NAP1L1: variants seen among roughly 807,000 people sequenced by gnomAD.
The protein encoded by NAP1L1 is nucleosome assembly protein 1 like 1.
Under a neutral mutation model 58.9 loss-of-function variants are expected in NAP1L1, and 9 were observed. The observed-to-expected ratio is 0.15, with a 90% confidence interval of 0.09 to 0.27. The LOEUF (loss-of-function observed/expected upper bound fraction) is 0.27, where lower values mean the gene tolerates loss of function less well. NAP1L1 is among the 10% of genes least tolerant of loss of function. NAP1L1 has a pLI of 1.00. For synonymous variants in NAP1L1, 130 were observed against 138.3 expected (o/e 0.94, Z 0.42); for missense variants, 302 against 458.8 (o/e 0.66, Z 3.12).
In NAP1L1 at chr12:76,045,475, C is replaced by G. The variant is rs1948592114; in HGVS notation, c.*2954G>C. On this transcript the variant is annotated 3_prime_UTR_variant, in exon 15 of 15. Coordinates refer to ENST00000618691, the MANE Select transcript of NAP1L1 (RefSeq NM_004537.7). ...AGTTATTTTAGGGGCCTTACCATAT[C>G]ATTAACCTATTCACACAACAAAAAT... is the stretch of plus-strand genomic sequence containing the variant. 1 of 152,052 alleles carries G rather than the reference C, an allele frequency of 6.6e-6. No individual in the cohort carries two copies. Among genetic ancestry groups the G allele is most frequent in the South Asian group, 2.1e-4 (1 of 4,830 alleles). 9.4% of individuals were successfully genotyped at this position (152,052 alleles called of 1,614,324 possible). A position where few individuals can be genotyped will look rare whatever the true frequency, so the allele number is the denominator to read the frequency against.
chr12:76,056,739 G>A (rs1025288067), intron 6 of NAP1L1: 10 of 432,492 alleles, frequency 2.3e-5, no homozygotes, highest in Non-Finnish European at 3.2e-5. Flanking sequence ...TAAGCCAGGC[G>A]CAGTGGCTCA....
At chr12:76,074,058 T>C in intron 2 of NAP1L1, 145 bp downstream of exon 2, 1 of 677,960 alleles carries the variant, frequency 1.5e-6, no homozygotes, top group Admixed American at 2.6e-5. Flanking sequence ...TTACCTTGAA[T>C]ACACTGCACT....
intron 3 of NAP1L1, 128 bp downstream of exon 3, chr12:76,068,781 A>ACACAC: frequency 2.3e-6 from 1 of 441,366 alleles, no homozygotes; most frequent in Non-Finnish European, 3.9e-6. Flanking sequence ...CACACACACT[A>ACACAC]GAAGTATGGA....
At position 76,040,556 on chromosome 12, in the gene NAP1L1, C is replaced by T. The variant is rs948582432; in HGVS notation, c.*7873G>A. 6.6e-6 allele frequency: 1 copy of T among 152,244 alleles called. No individual in the cohort carries two copies. Among genetic ancestry groups the T allele is most frequent in the African/African-American group, 2.4e-5 (1 of 41,424 alleles). The allele number at this position is 152,244 out of a possible 1,614,324, so 9.4% of individuals were successfully genotyped here. ...ACACACAGACAGTTTCATTCTGTTG[C>T]TCAGGTTGGAGTGCAGTGGCACTAT... On this transcript the variant is annotated 3_prime_UTR_variant, in exon 15 of 15. Coordinates refer to ENST00000618691, the MANE Select transcript of NAP1L1 (RefSeq NM_004537.7).
chr12:76,080,994 CAG>C (rs1410013631), intron 1 of NAP1L1, among the ~76,000 whole-genome samples: 14 of 152,172 alleles, frequency 9.2e-5, no homozygotes, highest in South Asian at 2.1e-4. Flanking sequence ...TGGGAACCTT[CAG>C]AGTCTCCACA....
intron 14 of NAP1L1, among the ~76,000 whole-genome samples, chr12:76,048,810 G>A (rs1948693668): frequency 6.6e-6 from 1 of 152,056 alleles, no homozygotes; most frequent in Non-Finnish European, 1.5e-5. Context: ...AGGACTCTCA[G>A]GGACTGAGTA....
Position 76,075,576 on chromosome 12 carries a change from TG to T in NAP1L1, c.-20-1338del, listed in dbSNP as rs1158703152. 5.9e-5 allele frequency among the ~76,000 whole-genome samples: 9 copies of T among 152,320 alleles called. No individual in the cohort carries two copies. In the South Asian group the frequency reaches 8.3e-4, roughly 14 times the overall value. On this transcript the variant is annotated intron_variant, in intron 1 of 14. Coordinates refer to ENST00000618691, the MANE Select transcript of NAP1L1 (RefSeq NM_004537.7). ...AATGTATCTAACTCTGTAAATATTT[TG>T]TATTTGTTATAAATAATTCCTAATA...
At chr12:76,083,916 GTGGCCATGAAGCCCAT>G in intron 1 of NAP1L1, 2 of 152,380 alleles carry the variant, frequency 1.3e-5, no homozygotes, top group Admixed American at 1.3e-4. Flanking sequence ...GGCCCAGCCA[GTGGCCATGAAGCCCAT>G]TACCACGTGT....
intron 4 of NAP1L1, among the ~76,000 whole-genome samples, chr12:76,065,879 A>G (rs1239491307): frequency 6.6e-6 from 1 of 151,952 alleles, no homozygotes; most frequent in Non-Finnish European, 1.5e-5. Flanking sequence ...CCTGCCAAAT[A>G]TTAAGACAAC....
At position 76,067,377 on chromosome 12, in the gene NAP1L1, A is replaced by G. The variant is rs1392772370; in HGVS notation, c.200T>C (p.Ile67Thr). 5 of 1,606,036 alleles carry G rather than the reference A, an allele frequency of 3.1e-6. No homozygotes were observed. In the East Asian group the frequency reaches 6.7e-5, roughly 22 times the overall value. ...DGLVETPTGY[I>T]ESLPRVVKRR... is the part of the protein sequence containing the mutation. Reference sequence around the variant, plus strand: ...GACTATGGAAAAGCTGTACCTTTCAATGTATCCTGTTGGTGTTTCTACCAG... The same window carrying G: ...GACTATGGAAAAGCTGTACCTTTCAGTGTATCCTGTTGGTGTTTCTACCAG... The change falls in exon 4 of 15, where the codon ATT becomes ACT. Residue 67 changes from isoleucine to threonine, a missense_variant. Transcript: ENST00000618691.
Position 76,043,544 on chromosome 12 carries a change from G to GT in NAP1L1, c.*4884dup, listed in dbSNP as rs1246039789. The GT allele has an allele frequency of 3.3e-5, 5 of 149,302 alleles. No homozygotes were observed. Among genetic ancestry groups the GT allele is most frequent in the African/African-American group, 1.2e-4 (5 of 40,526 alleles). The allele number at this position is 149,302 out of a possible 1,614,324, so 9.2% of individuals were successfully genotyped here. On this transcript the variant is annotated 3_prime_UTR_variant, in exon 15 of 15. Transcript: ENST00000618691. ...CCTCATCCTCACTTGAAATACTCTT[G>GT]TAACAGGTGGTTCCAGTGTTTTAAA...
intron 1 of NAP1L1, among the ~76,000 whole-genome samples, chr12:76,075,729 T>G (rs1335774184): frequency 6.6e-6 from 1 of 152,192 alleles, no homozygotes; most frequent in Non-Finnish European, 1.5e-5. Context: ...CCAAGTAGGA[T>G]TCCAGTTTGT....
intron 3 of NAP1L1, 161 bp from the exon 4 acceptor site, chr12:76,067,634 A>C (rs1949743505): frequency 1.9e-6 from 1 of 518,126 alleles, no homozygotes. Context: ...GAATACACTA[A>C]AGGAAAACCC....
At chr12:76,081,730 A>C (rs1950415384) in intron 1 of NAP1L1, among the ~76,000 whole-genome samples, 1 of 152,220 alleles carries the variant, frequency 6.6e-6, no homozygotes, top group African/African-American at 2.4e-5. Flanking sequence ...ATGTACTCTA[A>C]TGTTCTGTAG....
At chr12:76,074,370 A>T (rs1950096080) in intron 1 of NAP1L1, 131 bp from the exon 2 acceptor site, 2 of 1,336,928 alleles carry the variant, frequency 1.5e-6, no homozygotes, top group Non-Finnish European at 9.6e-7. Flanking sequence ...TTAAAATACT[A>T]TCAGTGTTAA....
chr12:76,064,776 G>A (rs1199219914), intron 4 of NAP1L1, among the ~76,000 whole-genome samples: 4 of 151,064 alleles, frequency 2.6e-5, no homozygotes, highest in Non-Finnish European at 5.9e-5. Context: ...GAGAGAACTT[G>A]AATAAATTAG....
chr12:76,074,107 C>T (rs1380440548), intron 2 of NAP1L1, 96 bp downstream of exon 2: 1 of 1,103,468 alleles, frequency 9.1e-7, no homozygotes, highest in East Asian at 2.4e-5. Flanking sequence ...TTAGTAACTA[C>T]ATTTTCATAA....
chr12:76,057,079 T>C lies in NAP1L1; in HGVS notation c.430-918A>G, dbSNP rs116968071. On this transcript the variant is annotated intron_variant, in intron 6 of 14. Coordinates refer to ENST00000618691, the MANE Select transcript of NAP1L1 (RefSeq NM_004537.7). ...AGTTTGGGAGGCTGAGGTGCGAAGA[T>C]TGCTTGAAGCCAGGAGTCTAAGACC... is the stretch of plus-strand genomic sequence containing the variant. 5.1e-4 allele frequency: 92 copies of C among 181,114 alleles called. No individual in the cohort carries two copies. In the East Asian group the frequency reaches 0.014, roughly 27 times the overall value. 11.2% of individuals were successfully genotyped at this position (181,114 alleles called of 1,614,324 possible).
intron 3 of NAP1L1, chr12:76,068,575 A>G (rs961090286): frequency 4.4e-5 from 8 of 180,716 alleles, no homozygotes; most frequent in Non-Finnish European, 6.9e-5. Context: ...TAAACACTAA[A>G]CATACTGTTA....
Sources: allele counts gnomAD v4.1 joint callset (sites outside exome capture counted in the v4.1 genomes callset), GRCh38; gene constraint gnomAD v4.1.1; transcripts MANE v1.5; gene names NCBI Gene and HGNC (gene_info 2026-07-23, HGNC 2026-07-21).